CAPS2: variants seen among roughly 807,000 people sequenced by gnomAD.
The protein encoded by CAPS2 is calcyphosine 2.
In CAPS2, 98 loss-of-function variants were observed where a neutral mutation model predicts 86.5. The observed-to-expected ratio is 1.13, with a 90% confidence interval of 0.96 to 1.34. The LOEUF (loss-of-function observed/expected upper bound fraction) is 1.34. Ranked by LOEUF, CAPS2 falls within the 40% of genes most tolerant of loss-of-function variation. The pLI is 0.00. For synonymous variants in CAPS2, 210 were observed against 225.1 expected (o/e 0.93, Z 0.60); for missense variants, 729 against 686.8 (o/e 1.06, Z -0.69).
intron 7 of CAPS2, chr12:75,305,533 G>A (rs1232957164): frequency 6.5e-6 from 4 of 619,640 alleles, no homozygotes; most frequent in African/African-American, 5.5e-5. Flanking sequence ...TAGGGTTCCG[G>A]TAGGCGTTCC....
intron 1 of CAPS2, among the ~76,000 whole-genome samples, chr12:75,339,608 A>AT (rs1477275708): frequency 2.0e-5 from 3 of 151,968 alleles, no homozygotes; most frequent in African/African-American, 7.3e-5. Context: ...CCATTTGTCC[A>AT]TTTTTGTTTT....
chr12:75,328,418 A>T (rs1487228615), upstream of CAPS2, among the ~76,000 whole-genome samples: 2 of 152,118 alleles, frequency 1.3e-5, no homozygotes, highest in Non-Finnish European at 2.9e-5. Flanking sequence ...AAATCCTCAA[A>T]TGTCCAGGTC....
chr12:75,351,181 G>A (rs1273371397), intron 1 of CAPS2, among the ~76,000 whole-genome samples: 1 of 152,192 alleles, frequency 6.6e-6, no homozygotes, highest in African/African-American at 2.4e-5. Flanking sequence ...TGAGAACTAT[G>A]AGATTATGTA....
chr12:75,336,364 C>A (rs886662049), intron 1 of CAPS2, among the ~76,000 whole-genome samples: 2 of 151,612 alleles, frequency 1.3e-5, no homozygotes, highest in Non-Finnish European at 3.0e-5. Context: ...ACATTAAATG[C>A]AAATGACTAC....
intron 1 of CAPS2, among the ~76,000 whole-genome samples, chr12:75,366,560 C>T (rs2043975005): frequency 6.6e-6 from 1 of 152,082 alleles, no homozygotes; most frequent in Non-Finnish European, 1.5e-5. Context: ...TGCACAAACA[C>T]TTGCAAAGAG....
intron 1 of CAPS2, among the ~76,000 whole-genome samples, chr12:75,339,331 T>C (rs1200819141): frequency 6.6e-6 from 1 of 152,240 alleles, no homozygotes. Flanking sequence ...TGGTTTTGAT[T>C]GCATTTTTCT....
At chr12:75,338,636 G>A (rs1021391544) in intron 1 of CAPS2, among the ~76,000 whole-genome samples, 3 of 151,644 alleles carry the variant, frequency 2.0e-5, no homozygotes, top group Non-Finnish European at 4.4e-5. Flanking sequence ...TGCAGGATGT[G>A]CAGGTTTGTT....
upstream of CAPS2, among the ~76,000 whole-genome samples, chr12:75,327,033 T>G (rs897183506): frequency 3.9e-5 from 6 of 152,168 alleles, no homozygotes; most frequent in African/African-American, 1.4e-4. Context: ...CTATGGCGCT[T>G]CCAGAAAGAA....
At chr12:75,346,592 T>C (rs569730903) in intron 1 of CAPS2, among the ~76,000 whole-genome samples, 5 of 152,292 alleles carry the variant, frequency 3.3e-5, no homozygotes, top group Non-Finnish European at 7.4e-5. Context: ...GGTTTTGCCA[T>C]GTTGGCCAGG....
chr12:75,349,747 G>A (rs1162191985), intron 1 of CAPS2, among the ~76,000 whole-genome samples: 1 of 151,982 alleles, frequency 6.6e-6, no homozygotes, highest in African/African-American at 2.4e-5. Flanking sequence ...AATTATCCAA[G>A]ACAGTGATTC....
chr12:75,370,381 T>A (rs1024220293), intron 1 of CAPS2: 1 of 422,966 alleles, frequency 2.4e-6, no homozygotes, highest in Non-Finnish European at 4.2e-6. Context: ...GATTATTTTT[T>A]AATTACAAAT....
At chr12:75,389,967 T>C (rs1208212582) in intron 1 of CAPS2, among the ~76,000 whole-genome samples, 1 of 152,182 alleles carries the variant, frequency 6.6e-6, no homozygotes, top group Non-Finnish European at 1.5e-5. Context: ...CCATCTTACA[T>C]AGGTCTATTG....
At chr12:75,330,659 T>C (rs1028488402), upstream of CAPS2, among the ~76,000 whole-genome samples, 2 of 152,196 alleles carry the variant, frequency 1.3e-5, no homozygotes, top group Non-Finnish European at 2.9e-5. Context: ...TATGTACATA[T>C]AGATGATTAC....
intron 1 of CAPS2, chr12:75,343,559 A>C: frequency 1.4e-6 from 1 of 699,650 alleles, no homozygotes; most frequent in Non-Finnish European, 2.3e-6. Context: ...AACTATGCAC[A>C]TAATAAATAC....
At chr12:75,295,963 A>T (rs898583548) in intron 11 of CAPS2, among the ~76,000 whole-genome samples, 6 of 152,242 alleles carry the variant, frequency 3.9e-5, no homozygotes, top group Admixed American at 2.0e-4. Context: ...ATAGAAAAGA[A>T]GATATAAAAA....
At chr12:75,380,359 A>G (rs1427440697) in intron 1 of CAPS2, among the ~76,000 whole-genome samples, 1 of 152,202 alleles carries the variant, frequency 6.6e-6, no homozygotes, top group Non-Finnish European at 1.5e-5. Context: ...AAATTCCATT[A>G]TCATCACTTC....
exon 14 of CAPS2, chr12:75,289,772 A>C (rs778213391): frequency 1.2e-6 from 2 of 1,608,644 alleles, no homozygotes; most frequent in South Asian, 2.2e-5. Context: ...TTCTTTTAGC[A>C]CATCTGTTCA....
At chr12:75,305,144 C>T (rs553034670) in intron 7 of CAPS2, among the ~76,000 whole-genome samples, 130 of 152,184 alleles carry the variant, frequency 8.5e-4, no homozygotes, top group Non-Finnish European at 1.7e-3. Context: ...ATTCTTTAAA[C>T]AAGCAGACAC....
At chr12:75,294,655 C>T (rs1156317534) in intron 11 of CAPS2, among the ~76,000 whole-genome samples, 1 of 152,116 alleles carries the variant, frequency 6.6e-6, no homozygotes, top group Non-Finnish European at 1.5e-5. Context: ...CAGATAGTCA[C>T]TCTAATTACC....
Sources: gnomAD v4.1 joint callset for allele counts (sites outside exome capture counted in the v4.1 genomes callset) on GRCh38, gnomAD v4.1.1 for gene constraint, MANE v1.5 for transcripts, NCBI Gene and HGNC (gene_info 2026-07-23, HGNC 2026-07-21) for gene names.